Variants in ANK3 observed in about 807,000 individuals in gnomAD.
The protein encoded by ANK3 is ankyrin 3, also known as ankyrin-3.
A neutral mutation model predicts 370.9 loss-of-function variants in ANK3; 57 were observed. That is an observed-to-expected ratio of 0.15 (90% confidence interval 0.12 to 0.19). The LOEUF (loss-of-function observed/expected upper bound fraction) is 0.19, where lower values mean the gene tolerates loss of function less well. Among genes scored for constraint, ANK3 ranks in the 10% least tolerant of loss-of-function variants. The probability of loss-of-function intolerance (pLI) is 1.00; values close to 1 mark genes in which losing one functional copy is unlikely to be tolerated. For synonymous variants in ANK3, 1,929 were observed against 1,946.3 expected (o/e 0.99, Z 0.23); for missense variants, 4,439 against 5,302.1 (o/e 0.84, Z 5.06).
intron 1 of ANK3, among the ~76,000 whole-genome samples, chr10:60,324,181 T>C (rs2049280008): frequency 6.6e-6 from 1 of 152,168 alleles, no homozygotes; most frequent in Non-Finnish European, 1.5e-5. Flanking sequence ...TGGAGTGATG[T>C]CCTAGAGTTG....
chr10:60,578,126 A>G (rs78424567), intron 2 of ANK3, among the ~76,000 whole-genome samples: 12,523 of 152,284 alleles, frequency 0.082, 718 homozygotes, highest in South Asian at 0.2. Context: ...GGTCCATAGC[A>G]GGATTTTCCT....
At chr10:60,137,044 T>C (rs2094375413) in intron 24 of ANK3, among the ~76,000 whole-genome samples, 1 of 152,120 alleles carries the variant, frequency 6.6e-6, no homozygotes, top group Non-Finnish European at 1.5e-5. Flanking sequence ...ATCAGGACTT[T>C]TTCTGCAAAC....
intron 1 of ANK3, among the ~76,000 whole-genome samples, chr10:60,710,171 C>T (rs939701942): frequency 1.3e-5 from 2 of 152,080 alleles, no homozygotes. Flanking sequence ...CTTTTTACTG[C>T]AATACACAAT....
chr10:60,187,134 A>ATTTATTTTATTTTATTTTAT (rs141378213), intron 16 of ANK3, among the ~76,000 whole-genome samples: 111 of 144,840 alleles, frequency 7.7e-4, no homozygotes, highest in African/African-American at 2.4e-3. Flanking sequence ...TGGACATTTT[A>ATTTATTTTATTTTATTTTAT]TTTATTTTAT....
intron 2 of ANK3, among the ~76,000 whole-genome samples, chr10:60,451,252 C>T (rs911539618): frequency 1.3e-5 from 2 of 152,186 alleles, no homozygotes; most frequent in Non-Finnish European, 2.9e-5. Context: ...GACTTCTGGC[C>T]TCCAGAAGCC....
At chr10:60,446,043 G>T (rs948227308) in intron 2 of ANK3, among the ~76,000 whole-genome samples, 3 of 152,162 alleles carry the variant, frequency 2.0e-5, no homozygotes, top group Admixed American at 1.3e-4. Flanking sequence ...AAAGCAGAAA[G>T]CAATTTGTGA....
intron 2 of ANK3, among the ~76,000 whole-genome samples, chr10:60,413,989 C>G (rs1019526370): frequency 1.3e-4 from 20 of 152,104 alleles, no homozygotes; most frequent in Admixed American, 6.5e-4. Flanking sequence ...AGAGTGAGAC[C>G]CTATCTCAAA....
Position 60,027,317 on chromosome 10 carries a change from AC to A in ANK3, c.*2528del, listed in dbSNP as rs1253127493. On this transcript the variant is annotated 3_prime_UTR_variant, in exon 44 of 44. Transcript: ENST00000280772. ...TTTTTTTTTTTTTTTTAAAAAAAAA[AC>A]CTCTCAAGGGTCTAACTTTACCCAT... is the stretch of plus-strand genomic sequence containing the variant. 1.4e-3 allele frequency: 198 copies of A among 144,916 alleles called. No individual in the cohort carries two copies. Among genetic ancestry groups the A allele is most frequent in the African/African-American group, 4.7e-3 (184 of 39,110 alleles). The allele number at this position is 144,916 out of a possible 1,614,324, so 9.0% of individuals were successfully genotyped here. A position where few individuals can be genotyped will look rare whatever the true frequency, so the allele number is the denominator to read the frequency against.
intron 25 of ANK3, 71 bp downstream of exon 25, chr10:60,134,200 G>T: frequency 7.9e-7 from 1 of 1,262,774 alleles, no homozygotes; most frequent in Admixed American, 2.0e-5. Context: ...TTTGTCACAA[G>T]ACAGAGAGCT....
At chr10:60,245,170 A>G (rs919278172) in intron 7 of ANK3, among the ~76,000 whole-genome samples, 2 of 151,762 alleles carry the variant, frequency 1.3e-5, no homozygotes, top group Admixed American at 6.5e-5. Context: ...CTCCGTCTAA[A>G]AAACAAAAAA....
At chr10:60,659,571 T>C (rs1019247724) in intron 1 of ANK3, among the ~76,000 whole-genome samples, 1 of 152,154 alleles carries the variant, frequency 6.6e-6, no homozygotes, top group African/African-American at 2.4e-5. Context: ...GATACATAAT[T>C]GTTATTTGGC....
At chr10:60,643,066 C>A (rs1588961500) in intron 1 of ANK3, among the ~76,000 whole-genome samples, 1 of 152,062 alleles carries the variant, frequency 6.6e-6, no homozygotes, top group Non-Finnish European at 1.5e-5. Context: ...ATCCTGGTAT[C>A]CTGGCTCCAT....
chr10:60,275,867 T>A (rs1223397052), intron 4 of ANK3, among the ~76,000 whole-genome samples: 1 of 151,964 alleles, frequency 6.6e-6, no homozygotes, highest in Non-Finnish European at 1.5e-5. Flanking sequence ...GAGAGAAGAG[T>A]GGGGGATGTC....
chr10:60,565,608 T>C (rs2077441249), intron 2 of ANK3, among the ~76,000 whole-genome samples: 1 of 152,246 alleles, frequency 6.6e-6, no homozygotes, highest in South Asian at 2.1e-4. Context: ...AACTCACCCC[T>C]GCACTCTATA....
At chr10:60,576,254 G>A (rs189876632) in intron 2 of ANK3, among the ~76,000 whole-genome samples, 20 of 152,258 alleles carry the variant, frequency 1.3e-4, no homozygotes, top group African/African-American at 3.9e-4. Context: ...GTTCACTCCC[G>A]ATAGAAGTCA....
chr10:60,349,615 T>G (rs2056454702), intron 1 of ANK3, among the ~76,000 whole-genome samples: 1 of 152,188 alleles, frequency 6.6e-6, no homozygotes, highest in South Asian at 2.1e-4. Context: ...ACTCAAATTC[T>G]TTGGCTACGA....
intron 8 of ANK3, among the ~76,000 whole-genome samples, chr10:60,223,421 T>C (rs994200509): frequency 6.6e-6 from 1 of 152,254 alleles, no homozygotes; most frequent in African/African-American, 2.4e-5. Flanking sequence ...TTTACTGTTT[T>C]CTTACAAGTA....
intron 2 of ANK3, among the ~76,000 whole-genome samples, chr10:60,496,176 A>T (rs2075651930): frequency 6.6e-6 from 1 of 152,210 alleles, no homozygotes; most frequent in Non-Finnish European, 1.5e-5. Flanking sequence ...AAGGTTCAAC[A>T]TGGAACTCTA....
At chr10:60,039,621 A>G (rs1418801878) in intron 43 of ANK3, among the ~76,000 whole-genome samples, 1 of 152,146 alleles carries the variant, frequency 6.6e-6, no homozygotes, top group Admixed American at 6.5e-5. Flanking sequence ...TATGTTCTAG[A>G]TAAGTTCAAA....
Sources: allele counts gnomAD v4.1 joint callset (sites outside exome capture counted in the v4.1 genomes callset), GRCh38; gene constraint gnomAD v4.1.1; transcripts MANE v1.5; gene names NCBI Gene and HGNC (gene_info 2026-07-23, HGNC 2026-07-21).